HIC1: variants seen among roughly 807,000 people sequenced by gnomAD.
The protein encoded by HIC1 is HIC ZBTB transcriptional repressor 1.
Under a neutral mutation model 26.4 loss-of-function variants are expected in HIC1, and 9 were observed. The observed-to-expected ratio is 0.34, with a 90% CI of 0.21 to 0.59. The LOEUF (loss-of-function observed/expected upper bound fraction) is 0.59, where lower values mean the gene tolerates loss of function less well. Among genes scored for constraint, HIC1 ranks in the 20% least tolerant of loss-of-function variants. The pLI is 0.82. For synonymous variants in HIC1, 631 were observed against 523.1 expected, an observed-to-expected ratio of 1.21 and a Z score of -2.81; for missense variants, 965 against 1,075.7, an observed-to-expected ratio of 0.90 and a Z score of 1.44.
chr17:2,058,151 C>T lies in HIC1; in HGVS notation c.1461C>T (p.Pro487=). 1.2e-6 allele frequency: 2 copies of T among 1,608,420 alleles called. No homozygotes were observed. The highest frequency in any genetic ancestry group is 2.2e-5 in the East Asian group (1 of 44,824). Residue 487 remains proline (P), a synonymous_variant, in exon 2 of 2, where the codon CCC becomes CCT. Coordinates refer to ENST00000619757, the MANE Select transcript of HIC1 (RefSeq NM_006497.4). ...APGGLGELLR[P]YRCASCDKSY... ...GTGGCCTGGGAGAGCTGCTGCGGCCCTACCGCTGCGCGTCGTGCGACAAGA... is the reference window on the plus strand; with the variant it reads ...GTGGCCTGGGAGAGCTGCTGCGGCCTTACCGCTGCGCGTCGTGCGACAAGA...
Position 2,057,301 on chromosome 17 carries a change from C to G in HIC1, c.611C>G (p.Pro204Arg). The change falls in exon 2 of 2, where the codon CCC (proline) becomes CGC (arginine). Residue 204 changes from proline (P) to arginine (R), a missense_variant. Transcript: ENST00000619757. ...TGCGCCGAGCTGTACGCGTCGGGAC[C>G]CGGCCCGGCCGCCGCACTCTGTGCC... is the stretch of plus-strand genomic sequence containing the variant. Reference protein sequence around the residue: ...THCAELYASGPGPAAALCASE... With the variant: ...THCAELYASGRGPAAALCASE... 1 of 1,495,088 alleles carries G rather than the reference C, an allele frequency of 6.7e-7. No homozygotes were observed. Among genetic ancestry groups the G allele is most frequent in the Non-Finnish European group, 8.8e-7 (1 of 1,130,602 alleles). The allele number at this position is 1,495,088 out of a possible 1,614,324, so 92.6% of individuals were successfully genotyped here. A position where few individuals can be genotyped will look rare whatever the true frequency, so the allele number is the denominator to read the frequency against.
Position 2,059,478 on chromosome 17 carries a change from C to G in HIC1, c.*643C>G, listed in dbSNP as rs986937291. 6 of 169,066 alleles carry G rather than the reference C, an allele frequency of 3.5e-5. No homozygotes were observed. Among genetic ancestry groups the G allele is most frequent in the Non-Finnish European group, 8.7e-5 (6 of 69,282 alleles). The allele number at this position is 169,066 out of a possible 1,614,324, so 10.5% of individuals were successfully genotyped here. A position where few individuals can be genotyped will look rare whatever the true frequency, so the allele number is the denominator to read the frequency against. Reference sequence around the variant, plus strand: ...CCAGGTCTCCCACTCCCGCGGTGCCCTCCCTTCCCTTCCCTGCGGCCCCGG... The same window carrying G: ...CCAGGTCTCCCACTCCCGCGGTGCCGTCCCTTCCCTTCCCTGCGGCCCCGG... On this transcript the variant is annotated 3_prime_UTR_variant, in exon 2 of 2. Transcript: ENST00000619757.
At chr17:2,056,570 C>T in intron 1 of HIC1, 101 bp from the exon 2 acceptor site, 8 of 1,437,508 alleles carry the variant, frequency 5.6e-6, no homozygotes, top group Non-Finnish European at 7.4e-6. Context: ...GATGCCCCCG[C>T]TCAGCTGAGG....
Position 2,058,877 on chromosome 17 carries a change from T to C in HIC1, c.*42T>C, listed in dbSNP as rs2067703997. The stretch of plus-strand genomic sequence containing the variant: ...CCGCTCTGTCGCTGCTGCGCGGCCC[T>C]GGCCCGCACCCCAGGGAGCGGCGGG... On this transcript the variant is annotated 3_prime_UTR_variant, in exon 2 of 2. Coordinates refer to ENST00000619757, the MANE Select transcript of HIC1 (RefSeq NM_006497.4). The C allele has an allele frequency of 3.7e-6, 5 of 1,367,884 alleles. No homozygotes were observed. Among genetic ancestry groups the C allele is most frequent in the Non-Finnish European group, 4.7e-6 (5 of 1,057,450 alleles). 84.7% of individuals were successfully genotyped at this position (1,367,884 alleles called of 1,614,324 possible). A position where few individuals can be genotyped will look rare whatever the true frequency, so the allele number is the denominator to read the frequency against.
rs779076274 is a variant in HIC1 at position 2,056,865 on chromosome 17, C to T, written c.175C>T (p.His59Tyr). 3.7e-6 allele frequency: 6 copies of T among 1,612,864 alleles called. No individual in the cohort carries two copies. The Admixed American group carries it at 1.0e-4, about 27-fold the overall frequency. Residue 59 changes from histidine (H) to tyrosine (Y), a missense_variant, in exon 2 of 2, where the codon CAT becomes TAT. By Grantham distance (83) the His-to-Tyr change is moderately conservative. This residue lies in a region of HIC1 where 64 missense variants were observed against 114.0 expected (regional missense o/e 0.56). Transcript: ENST00000619757. Reference sequence around the variant, plus strand: ...CGCCTACCTCAAGTCCCTGGTGGTGCATGACAACCTGCTCAACCTGGACCA... The same window carrying T: ...CGCCTACCTCAAGTCCCTGGTGGTGTATGACAACCTGCTCAACCTGGACCA... The part of the protein sequence containing the change: ...SSAYLKSLVV[H>Y]DNLLNLDHDM...
chr17:2,057,739 G>A lies in HIC1; in HGVS notation c.1049G>A (p.Gly350Glu), dbSNP rs780187335. 1.4e-6 allele frequency: 2 copies of A among 1,392,912 alleles called. No homozygotes were observed. Among genetic ancestry groups the A allele is most frequent in the Non-Finnish European group, 1.8e-6 (2 of 1,081,162 alleles). The allele number at this position is 1,392,912 out of a possible 1,614,324, so 86.3% of individuals were successfully genotyped here. The change falls in exon 2 of 2, where the codon GGG (glycine) becomes GAG (glutamate). Residue 350 changes from glycine to glutamate, a missense_variant. Physicochemically the swap from Gly to Glu is moderately conservative, Grantham distance 98. This residue lies in a region of HIC1 where 526 missense variants were observed against 525.0 expected (regional missense o/e 1.00). Coordinates refer to ENST00000619757, the MANE Select transcript of HIC1 (RefSeq NM_006497.4). ...RGGDAAVSPG[G>E]PPLGLAPPPR... ...GGGGACGCGGCCGTCTCGCCCGGGG[G>A]GCCCCCGCTCGGCCTGGCGCCGCCG... is the stretch of plus-strand genomic sequence containing the variant.
Position 2,058,433 on chromosome 17 carries a change from C to T in HIC1, c.1743C>T (p.Phe581=). 1 of 1,603,558 alleles carries T rather than the reference C, an allele frequency of 6.2e-7. No homozygotes were observed. Among genetic ancestry groups the T allele is most frequent in the Non-Finnish European group, 8.5e-7 (1 of 1,175,070 alleles). ...PYECQVCGGK[F]AQQRNLISHM... is the part of the protein sequence containing the mutation. Reference sequence around the variant, plus strand: ...AGTGCCAGGTGTGCGGCGGCAAGTTCGCACAGCAACGCAACCTCATCAGCC... The same window carrying T: ...AGTGCCAGGTGTGCGGCGGCAAGTTTGCACAGCAACGCAACCTCATCAGCC... Residue 581 remains phenylalanine, a synonymous_variant, in exon 2 of 2, where the codon TTC becomes TTT. Coordinates refer to ENST00000619757, the MANE Select transcript of HIC1 (RefSeq NM_006497.4).
At chr17:2,056,166 C>T in intron 1 of HIC1, 5 of 666,266 alleles carry the variant, frequency 7.5e-6, no homozygotes, top group Non-Finnish European at 1.1e-5. Context: ...GGGTTGACAG[C>T]CCCCGGCCAG....
chr17:2,056,331 AT>A, intron 1 of HIC1: 1 of 1,613,540 alleles, frequency 6.2e-7, no homozygotes, highest in African/African-American at 1.3e-5. Flanking sequence ...TGAAGCGGAC[AT>A]TTTACTTAAA....
rs1046696512 is a variant in HIC1, at chr17:2,055,933, C to T, written c.-21+695C>T. Among the ~76,000 whole-genome samples the T allele has an allele frequency of 2.4e-4, 36 of 150,414 alleles. No homozygotes were observed. Among genetic ancestry groups the T allele is most frequent in the African/African-American group, 8.7e-4 (36 of 41,194 alleles). ...CCGGGACGCGGGTGGGGCGCAGGCC[C>T]GGGTCAGGGCCGCAGCCGGCTGTGC... On this transcript the variant is annotated intron_variant, in intron 1 of 1. Coordinates refer to ENST00000619757, the MANE Select transcript of HIC1 (RefSeq NM_006497.4). The surrounding 1 kb of genome is among the most constrained non-coding windows in gnomAD (Gnocchi z 6.4).
rs1388154326 is a variant in HIC1, at chr17:2,058,114, C to T, written c.1424C>T (p.Ala475Val). 1.8e-5 allele frequency: 29 copies of T among 1,598,580 alleles called. No individual in the cohort carries two copies. The highest frequency in any genetic ancestry group is 2.5e-5 in the Non-Finnish European group (29 of 1,175,908). ...TTTGGAGGCGGCGGGGACAAGGTCG[C>T]CGGGGCTCCGGGTGGCCTGGGAGAG... Reference protein sequence around the residue: ...PPFGGGGDKVAGAPGGLGELL... With the variant: ...PPFGGGGDKVVGAPGGLGELL... Residue 475 changes from alanine (A) to valine (V), a missense_variant, in exon 2 of 2, where the codon GCC becomes GTC. Physicochemically the swap from Ala to Val is moderately conservative, Grantham distance 64. This residue lies in a region of HIC1 where 105 missense variants were observed against 101.4 expected (regional missense o/e 1.04). Coordinates refer to ENST00000619757, the MANE Select transcript of HIC1 (RefSeq NM_006497.4).
In HIC1 at chr17:2,060,538, C is replaced by G. The variant is rs995255628; in HGVS notation, c.*1703C>G. On this transcript the variant is annotated 3_prime_UTR_variant, in exon 2 of 2. Coordinates refer to ENST00000619757, the MANE Select transcript of HIC1 (RefSeq NM_006497.4). ...AAGTTCAGAGTGAGAACCCCTATGA[C>G]GAGGAACCGCGGTGAAGAAATGAAG... The G allele has an allele frequency of 6.6e-6, 1 of 151,976 alleles. No homozygotes were observed. The highest frequency in any genetic ancestry group is 1.5e-5 in the Non-Finnish European group (1 of 68,076). 9.4% of individuals were successfully genotyped at this position (151,976 alleles called of 1,614,324 possible). A position where few individuals can be genotyped will look rare whatever the true frequency, so the allele number is the denominator to read the frequency against.
Position 2,058,964 on chromosome 17 carries a change from C to A in HIC1, c.*129C>A. The A allele has an allele frequency of 1.2e-6, 1 of 864,602 alleles. No homozygotes were observed. Among genetic ancestry groups the A allele is most frequent in the Non-Finnish European group, 1.6e-6 (1 of 607,630 alleles). The allele number at this position is 864,602 out of a possible 1,614,324, so 53.6% of individuals were successfully genotyped here. On this transcript the variant is annotated 3_prime_UTR_variant, in exon 2 of 2. Transcript: ENST00000619757. ...CAGCGTCGCCACAGTGGCGGCTCCA[C>A]CTCTCGGCGGCCTCACCTGGCCTCA...
Position 2,056,762 on chromosome 17 carries a change from G to A in HIC1, c.72G>A (p.Lys24=), listed in dbSNP as rs918649559. ...LLLQLNNQRT[K]GFLCDVIIVV... is the part of the protein sequence containing the mutation. ...TGCAGCTCAACAACCAGCGCACCAAGGGCTTCTTGTGCGACGTGATCATCG... is the reference window on the plus strand; with the variant it reads ...TGCAGCTCAACAACCAGCGCACCAAAGGCTTCTTGTGCGACGTGATCATCG... Residue 24 remains lysine, a synonymous_variant, in exon 2 of 2, where the codon AAG becomes AAA. Transcript: ENST00000619757. The A allele has an allele frequency of 2.5e-6, 4 of 1,612,268 alleles. No homozygotes were observed. Among genetic ancestry groups the A allele is most frequent in the Middle Eastern group, 1.7e-4 (1 of 6,058 alleles).
In HIC1 at chr17:2,056,245, C is replaced by T; in HGVS notation, c.-20-426C>T. On this transcript the variant is annotated intron_variant, in intron 1 of 1. Coordinates refer to ENST00000619757, the MANE Select transcript of HIC1 (RefSeq NM_006497.4). ...TTCCCCCAACTGGGGCAACTTCTCC[C>T]GAGGCGGGAGGCGCTGGTTCCTCGG... 7 of 1,416,530 alleles carry T rather than the reference C, an allele frequency of 4.9e-6. No homozygotes were observed. The East Asian group carries it at 6.8e-5, about 14-fold the overall frequency. The allele number at this position is 1,416,530 out of a possible 1,614,324, so 87.7% of individuals were successfully genotyped here.
chr17:2,055,942 G>T lies in HIC1; in HGVS notation c.-21+704G>T, dbSNP rs187867664. Among the ~76,000 whole-genome samples the T allele has an allele frequency of 1.3e-5, 2 of 150,320 alleles. No individual in the cohort carries two copies. Among genetic ancestry groups the T allele is most frequent in the African/African-American group, 4.9e-5 (2 of 41,222 alleles). Reference sequence around the variant, plus strand: ...GGGTGGGGCGCAGGCCCGGGTCAGGGCCGCAGCCGGCTGTGCGCCGTGCCC... The same window carrying T: ...GGGTGGGGCGCAGGCCCGGGTCAGGTCCGCAGCCGGCTGTGCGCCGTGCCC... On this transcript the variant is annotated intron_variant, in intron 1 of 1. Transcript: ENST00000619757. This position sits in a 1 kb window ranked among gnomAD's most constrained non-coding sequence, Gnocchi z 6.4.
Position 2,057,585 on chromosome 17 carries a change from C to T in HIC1, c.895C>T (p.Pro299Ser), listed in dbSNP as rs2067684495. The T allele has an allele frequency of 2.0e-6, 3 of 1,503,542 alleles. No homozygotes were observed. The highest frequency in any genetic ancestry group is 2.1e-5 in the Admixed American group (1 of 48,576). 93.1% of individuals were successfully genotyped at this position (1,503,542 alleles called of 1,614,324 possible). ...RGGSGSPGPE[P>S]PGRPDGPSLL... ...CGGCAGCGGCAGCCCGGGACCCGAG[C>T]CCCCCGGCCGCCCCGACGGGCCTAG... Residue 299 changes from proline (P) to serine (S), a missense_variant, in exon 2 of 2, where the codon CCC becomes TCC. Around this residue, in one of 6 missense-constraint regions of HIC1, gnomAD observed 526 missense variants for 525.0 expected, o/e 1.00. Coordinates refer to ENST00000619757, the MANE Select transcript of HIC1 (RefSeq NM_006497.4).
chr17:2,057,298 G>A lies in HIC1; in HGVS notation c.608G>A (p.Gly203Glu), dbSNP rs1227358068. The part of the protein sequence containing the change: ...NTHCAELYAS[G>E]PGPAAALCAS... ...CACTGCGCCGAGCTGTACGCGTCGGGACCCGGCCCGGCCGCCGCACTCTGT... is the reference window on the plus strand; with the variant it reads ...CACTGCGCCGAGCTGTACGCGTCGGAACCCGGCCCGGCCGCCGCACTCTGT... Residue 203 changes from glycine (G) to glutamate (E), a missense_variant, in exon 2 of 2, where the codon GGA (glycine) becomes GAA (glutamate). By Grantham distance (98) the Gly-to-Glu change is moderately conservative. This residue lies in a region of HIC1 where 526 missense variants were observed against 525.0 expected (regional missense o/e 1.00). Transcript: ENST00000619757. The A allele has an allele frequency of 1.3e-6, 2 of 1,492,790 alleles. No homozygotes were observed. The highest frequency in any genetic ancestry group is 4.4e-5 in the Admixed American group (2 of 45,456). 92.5% of individuals were successfully genotyped at this position (1,492,790 alleles called of 1,614,324 possible).
Position 2,060,822 on chromosome 17 carries a change from G to GT in HIC1, c.*1988dup. The GT allele has an allele frequency of 6.5e-6, 1 of 152,978 alleles. No individual in the cohort carries two copies. The highest frequency in any genetic ancestry group is 1.5e-5 in the Non-Finnish European group (1 of 68,502). The allele number at this position is 152,978 out of a possible 1,614,324, so 9.5% of individuals were successfully genotyped here. ...TCCACGGGGACGCAACTGGCGAAGT[G>GT]TGAGGGACCCAGGTTGATAAGGGCA... On this transcript the variant is annotated 3_prime_UTR_variant, in exon 2 of 2. Transcript: ENST00000619757.
Sources: gnomAD v4.1 joint callset for allele counts (sites outside exome capture counted in the v4.1 genomes callset) on GRCh38, gnomAD v4.1.1 for gene constraint, gnomAD v4.1.1 regional missense constraint, Gnocchi (gnomAD v3.1) non-coding constraint, MANE v1.5 for transcripts, NCBI Gene and HGNC (gene_info 2026-07-23, HGNC 2026-07-21) for gene names.